Variants in PTPRN2 observed in about 807,000 individuals in gnomAD.
PTPRN2 encodes the protein protein tyrosine phosphatase receptor type N2, also known as receptor-type tyrosine-protein phosphatase N2.
In PTPRN2, 74 loss-of-function variants were observed where a neutral mutation model predicts 118.8. The observed-to-expected ratio is 0.62, with a 90% CI of 0.52 to 0.76. The LOEUF (loss-of-function observed/expected upper bound fraction) is 0.76. Among genes scored for constraint, PTPRN2 ranks in the 30% least tolerant of loss-of-function variants. PTPRN2 has a pLI of 0.00. For synonymous variants in PTPRN2, 641 were observed against 608.0 expected (o/e 1.05, Z -0.80); for missense variants, 1,481 against 1,394.4 (o/e 1.06, Z -0.99).
chr7:157,787,245 C>T lies in PTPRN2; in HGVS notation c.1789-104308G>A, dbSNP rs1255705460. On this transcript the variant is annotated intron_variant, in intron 12 of 22. Transcript: ENST00000389418. The surrounding 1 kb of genome is among the most constrained non-coding windows in gnomAD (Gnocchi z 5.3). Reference sequence around the variant, plus strand: ...AAACCCACTTGGATGCCACTTATGACCCCCGCGTGCCAGTGGATGCCCACA... The same window carrying T: ...AAACCCACTTGGATGCCACTTATGATCCCCGCGTGCCAGTGGATGCCCACA... 6.6e-6 allele frequency among the ~76,000 whole-genome samples: 1 copy of T among 152,084 alleles called. No individual in the cohort carries two copies. The highest frequency in any genetic ancestry group is 1.9e-4 in the East Asian group (1 of 5,174).
At chr7:158,071,366 C>CGTGGTGGTGG (rs1563390736) in intron 11 of PTPRN2, among the ~76,000 whole-genome samples, 76 of 50,230 alleles carry the variant, frequency 1.5e-3, no homozygotes, top group Admixed American at 2.0e-3. Flanking sequence ...TGGAGGTGCT[C>CGTGGTGGTGG]ATGGTGGTGG....
chr7:158,108,463 C>A (rs928556679), intron 10 of PTPRN2, among the ~76,000 whole-genome samples: 2 of 152,204 alleles, frequency 1.3e-5, no homozygotes, highest in East Asian at 3.9e-4. Flanking sequence ...TCCTACCTGG[C>A]CTGCCCACCG....
chr7:158,270,255 C>T (rs1798219702), intron 3 of PTPRN2, among the ~76,000 whole-genome samples: 1 of 152,242 alleles, frequency 6.6e-6, no homozygotes, highest in South Asian at 2.1e-4. Flanking sequence ...CGGCCAAGGG[C>T]AGGTCAGCAA....
intron 21 of PTPRN2, among the ~76,000 whole-genome samples, chr7:157,556,940 T>G (rs1247535801): frequency 6.7e-6 from 1 of 150,294 alleles, no homozygotes; most frequent in Non-Finnish European, 1.5e-5. Context: ...CCACATGACA[T>G]GCACACCCTA....
At position 157,779,235 on chromosome 7, in the gene PTPRN2, C is replaced by T. The variant is rs1189883582; in HGVS notation, c.1789-96298G>A. On this transcript the variant is annotated intron_variant, in intron 12 of 22. Transcript: ENST00000389418. This position sits in a 1 kb window ranked among gnomAD's most constrained non-coding sequence, Gnocchi z 4.7. ...GAGGGCTGCCTCCTTGCCATGGGAG[C>T]CCCGCCCTGGCTGCCAGGCTTCCCT... Among the ~76,000 whole-genome samples the T allele has an allele frequency of 3.3e-5, 5 of 152,180 alleles. No homozygotes were observed. Among genetic ancestry groups the T allele is most frequent in the African/African-American group, 9.7e-5 (4 of 41,448 alleles).
In PTPRN2 at chr7:158,360,033, G is replaced by GACCCCAC. The variant is rs1300390280; in HGVS notation, c.164-43102_164-43101insGTGGGGT. Among the ~76,000 whole-genome samples the GACCCCAC allele has an allele frequency of 6.0e-5, 9 of 149,940 alleles. 3 individuals are homozygous for GACCCCAC. Among genetic ancestry groups the GACCCCAC allele is most frequent in the African/African-American group, 2.3e-4 (9 of 39,708 alleles). On this transcript the variant is annotated intron_variant, in intron 2 of 22. Coordinates refer to ENST00000389418, the MANE Select transcript of PTPRN2 (RefSeq NM_002847.5). ...TCCTTCCTCACCCAGACAACCCACA[G>GACCCCAC]ATCCCAAGTCCACCCACACCCAGGA...
chr7:158,167,227 G>A lies in PTPRN2; in HGVS notation c.614C>T (p.Pro205Leu), dbSNP rs781020467. The change falls in exon 6 of 23, where the codon CCT becomes CTT. Residue 205 changes from proline to leucine, a missense_variant. By Grantham distance (98) the Pro-to-Leu change is moderately conservative. This residue lies in a region of PTPRN2 where 1,115 missense variants were observed against 994.2 expected (regional missense o/e 1.12). Coordinates refer to ENST00000389418, the MANE Select transcript of PTPRN2 (RefSeq NM_002847.5). ...YVAHTSALTY[P>L]PGSRTQLRED... ...GCGGAGCTGGGTCCGGGACCCGGGAGGGTAGGTCAGCGCAGACGTGTGGGC... is the reference window on the plus strand; with the variant it reads ...GCGGAGCTGGGTCCGGGACCCGGGAAGGTAGGTCAGCGCAGACGTGTGGGC... The A allele has an allele frequency of 5.0e-6, 8 of 1,613,432 alleles. No homozygotes were observed. Among genetic ancestry groups the A allele is most frequent in the East Asian group, 2.2e-5 (1 of 44,862 alleles).
At chr7:158,318,468 A>C (rs947810764) in intron 2 of PTPRN2, among the ~76,000 whole-genome samples, 3 of 152,174 alleles carry the variant, frequency 2.0e-5, no homozygotes, top group African/African-American at 7.2e-5. Context: ...CTGGGGCCCC[A>C]GAGGAGGGAG....
intron 13 of PTPRN2, among the ~76,000 whole-genome samples, chr7:157,660,658 G>A (rs759326181): frequency 2.0e-4 from 30 of 152,216 alleles, no homozygotes; most frequent in Non-Finnish European, 3.4e-4. Flanking sequence ...TAAGAGAGAC[G>A]TATTAGTGAA....
Position 158,525,973 on chromosome 7 carries a change from C to T in PTPRN2, c.113-36188G>A, listed in dbSNP as rs959811046. Among the ~76,000 whole-genome samples the T allele has an allele frequency of 6.6e-6, 1 of 152,218 alleles. No homozygotes were observed. Among genetic ancestry groups the T allele is most frequent in the African/African-American group, 2.4e-5 (1 of 41,458 alleles). The stretch of plus-strand genomic sequence containing the variant: ...AACATCCCAAGCCGACAATGCCCCC[C>T]CATTGACTCGGCTCTCTGCAGACCT... On this transcript the variant is annotated intron_variant, in intron 1 of 22. Transcript: ENST00000389418. The surrounding 1 kb of genome is among the most constrained non-coding windows in gnomAD (Gnocchi z 4.1).
intron 2 of PTPRN2, among the ~76,000 whole-genome samples, chr7:158,350,644 C>G (rs1807853413): frequency 1.3e-5 from 2 of 152,182 alleles, no homozygotes; most frequent in African/African-American, 4.8e-5. Flanking sequence ...AGGAAGGTGC[C>G]AGAGCTGCTG....
intron 12 of PTPRN2, among the ~76,000 whole-genome samples, chr7:157,800,994 TATATACACACATATAC>T (rs2151096093): frequency 6.6e-6 from 1 of 150,878 alleles, no homozygotes; most frequent in African/African-American, 2.4e-5. Flanking sequence ...CACACACATA[TATATACACACATATAC>T]ATATACACAC....
In PTPRN2 at chr7:157,737,014, G is replaced by C. The variant is rs367726300; in HGVS notation, c.1789-54077C>G. Among the ~76,000 whole-genome samples, 318 of 152,238 alleles carry C rather than the reference G, an allele frequency of 2.1e-3. 2 individuals carry two copies. The highest frequency in any genetic ancestry group is 7.3e-3 in the African/African-American group (305 of 41,526). ...TTTGCAGAGGCTTCCCGAGTCTCCCGGGGGCAATGCATCTTCTCAGTAAGA... is the reference window on the plus strand; with the variant it reads ...TTTGCAGAGGCTTCCCGAGTCTCCCCGGGGCAATGCATCTTCTCAGTAAGA... On this transcript the variant is annotated intron_variant, in intron 12 of 22. Coordinates refer to ENST00000389418, the MANE Select transcript of PTPRN2 (RefSeq NM_002847.5).
At chr7:157,725,552 T>C (rs59355661) in intron 12 of PTPRN2, among the ~76,000 whole-genome samples, 6 of 117,160 alleles carry the variant, frequency 5.1e-5, no homozygotes, top group East Asian at 2.4e-4. Flanking sequence ...GAACTGGATA[T>C]CCACACGCAG....
intron 2 of PTPRN2, among the ~76,000 whole-genome samples, chr7:158,343,158 C>G (rs1411630291): frequency 6.6e-6 from 1 of 152,122 alleles, no homozygotes; most frequent in East Asian, 1.9e-4. Context: ...CCTCATCTAT[C>G]TGATAAGGGA....
At chr7:158,352,783 A>G (rs979599201) in intron 2 of PTPRN2, among the ~76,000 whole-genome samples, 1 of 152,250 alleles carries the variant, frequency 6.6e-6, no homozygotes, top group African/African-American at 2.4e-5. Flanking sequence ...ATAGCTTTCA[A>G]TCCCTTCAAT....
At chr7:157,698,092 A>G (rs929609562) in intron 12 of PTPRN2, among the ~76,000 whole-genome samples, 1 of 152,264 alleles carries the variant, frequency 6.6e-6, no homozygotes, top group Non-Finnish European at 1.5e-5. Flanking sequence ...GATTTTTAAG[A>G]TAAGATTTTG....
Position 157,629,251 on chromosome 7 carries a change from G to A in PTPRN2, c.2197-7742C>T, listed in dbSNP as rs1384936098. On this transcript the variant is annotated intron_variant, in intron 14 of 22. Transcript: ENST00000389418. This position sits in a 1 kb window ranked among gnomAD's most constrained non-coding sequence, Gnocchi z 4.4. Reference sequence around the variant, plus strand: ...TGCAGACCCTGCTGCCAAAGACACCGCAGAACCCATGGGGAGGCAGAAGAA... The same window carrying A: ...TGCAGACCCTGCTGCCAAAGACACCACAGAACCCATGGGGAGGCAGAAGAA... Among the ~76,000 whole-genome samples the A allele has an allele frequency of 6.6e-6, 1 of 152,096 alleles. No individual in the cohort carries two copies.
At chr7:157,941,974 G>A (rs557413228) in intron 11 of PTPRN2, among the ~76,000 whole-genome samples, 7 of 149,382 alleles carry the variant, frequency 4.7e-5, no homozygotes, top group African/African-American at 1.5e-4. Flanking sequence ...CTCCACACAC[G>A]GGGGTCCCCA....
Sources: allele counts gnomAD v4.1 joint callset (sites outside exome capture counted in the v4.1 genomes callset), GRCh38; gene constraint gnomAD v4.1.1; regional missense constraint gnomAD v4.1.1; non-coding constraint Gnocchi (gnomAD v3.1); transcripts MANE v1.5; gene names NCBI Gene and HGNC (gene_info 2026-07-23, HGNC 2026-07-21).